Variants in PTPRG observed in about 807,000 individuals in gnomAD.
PTPRG encodes the protein receptor-type tyrosine-protein phosphatase gamma.
PTPRG carries 102 observed loss-of-function variants against 165.3 expected under a neutral mutation model. That is an observed-to-expected ratio of 0.62 (90% CI 0.53 to 0.73). The LOEUF (loss-of-function observed/expected upper bound fraction) is 0.73. Among genes scored for constraint, PTPRG ranks in the 30% least tolerant of loss-of-function variants. The pLI is 0.00. For missense variants in PTPRG, 1,866 were observed against 1,861.4 expected (o/e 1.00, Z -0.05); for synonymous variants, 675 against 669.5 (o/e 1.01, Z -0.13).
In PTPRG at chr3:62,132,599, T is replaced by A. The variant is rs766431772; in HGVS notation, c.616-3T>A. 6.2e-7 allele frequency: 1 copy of A among 1,602,692 alleles called. No individual in the cohort carries two copies. Among genetic ancestry groups the A allele is most frequent in the Non-Finnish European group, 8.6e-7 (1 of 1,169,568 alleles). ...TAACCAATCATGTTTCCTTTACATT[T>A]AGGTCAGTCCGAGGGACAATTCTGC... On this transcript the variant is annotated splice_region_variant and splice_polypyrimidine_tract_variant and intron_variant, in intron 5 of 29. Coordinates refer to ENST00000474889, the MANE Select transcript of PTPRG (RefSeq NM_002841.4).
intron 2 of PTPRG, among the ~76,000 whole-genome samples, chr3:61,815,924 A>G (rs2035749304): frequency 1.3e-5 from 2 of 152,182 alleles, no homozygotes; most frequent in Admixed American, 6.5e-5. Context: ...ATTTCATTTT[A>G]GGCTATTTTA....
intron 2 of PTPRG, among the ~76,000 whole-genome samples, chr3:61,927,607 T>C (rs2039254111): frequency 6.6e-6 from 1 of 152,244 alleles, no homozygotes; most frequent in African/African-American, 2.4e-5. Flanking sequence ...ATTTGGGCTG[T>C]GGTTTGCTGC....
intron 1 of PTPRG, among the ~76,000 whole-genome samples, chr3:61,617,417 T>A (rs1701327557): frequency 2.0e-5 from 3 of 152,166 alleles, no homozygotes; most frequent in Admixed American, 2.0e-4. Flanking sequence ...GTACAGGCCA[T>A]TTATAAGGGT....
At chr3:61,867,198 G>A (rs570544562) in intron 2 of PTPRG, among the ~76,000 whole-genome samples, 1 of 152,292 alleles carries the variant, frequency 6.6e-6, no homozygotes, top group East Asian at 1.9e-4. Context: ...GCCTGGCATG[G>A]CATCATACCC....
At chr3:61,578,599 T>C (rs1431457598) in intron 1 of PTPRG, among the ~76,000 whole-genome samples, 2 of 152,230 alleles carry the variant, frequency 1.3e-5, no homozygotes, top group Non-Finnish European at 2.9e-5. Flanking sequence ...GAATATTCTC[T>C]ACTCTCCAGC....
rs1704563962 is a variant in PTPRG, at chr3:62,157,057, C to T, written c.683-10C>T. 3 of 1,590,558 alleles carry T rather than the reference C, an allele frequency of 1.9e-6. No individual in the cohort carries two copies. The highest frequency in any genetic ancestry group is 2.6e-6 in the Non-Finnish European group (3 of 1,159,268). ...CATTGTGCTTTTCTTTTCCCTTTTTCCCCAAACAGAGAAGGAGACCTTTCT... is the reference window on the plus strand; with the variant it reads ...CATTGTGCTTTTCTTTTCCCTTTTTTCCCAAACAGAGAAGGAGACCTTTCT... On this transcript the variant is annotated splice_polypyrimidine_tract_variant and intron_variant, in intron 6 of 29. Transcript: ENST00000474889.
intron 2 of PTPRG, among the ~76,000 whole-genome samples, chr3:61,961,495 T>A (rs1209971550): frequency 2.6e-5 from 4 of 152,332 alleles, no homozygotes; most frequent in Middle Eastern, 3.4e-3. Context: ...TTAGGGTAAT[T>A]GTGGCTTGAT....
intron 4 of PTPRG, among the ~76,000 whole-genome samples, chr3:62,044,659 TG>T: frequency 6.6e-6 from 1 of 152,206 alleles, no homozygotes; most frequent in East Asian, 1.9e-4. Flanking sequence ...AAATCTTAGC[TG>T]TGGCTATTAA....
intron 6 of PTPRG, among the ~76,000 whole-genome samples, chr3:62,139,778 A>G (rs1392166553): frequency 6.6e-6 from 1 of 152,136 alleles, no homozygotes; most frequent in African/African-American, 2.4e-5. Context: ...GTCTCCCTCC[A>G]CCTTTTTGCC....
chr3:61,848,798 G>A (rs998313429), intron 2 of PTPRG, among the ~76,000 whole-genome samples: 2 of 152,150 alleles, frequency 1.3e-5, no homozygotes, highest in African/African-American at 4.8e-5. Flanking sequence ...CCTGTACTGT[G>A]CTCCTACTAT....
At chr3:61,796,187 G>A (rs1199364061) in intron 2 of PTPRG, among the ~76,000 whole-genome samples, 1 of 152,184 alleles carries the variant, frequency 6.6e-6, no homozygotes, top group Non-Finnish European at 1.5e-5. Flanking sequence ...TATTGAGCAA[G>A]ATTAAAGAGA....
intron 8 of PTPRG, among the ~76,000 whole-genome samples, chr3:62,176,854 T>C (rs1316312366): frequency 6.6e-6 from 1 of 152,124 alleles, no homozygotes; most frequent in Non-Finnish European, 1.5e-5. Context: ...GATAAGGCAG[T>C]GTTAGAATAC....
At chr3:61,971,807 A>G (rs1433129402) in intron 2 of PTPRG, among the ~76,000 whole-genome samples, 2 of 152,256 alleles carry the variant, frequency 1.3e-5, no homozygotes, top group Non-Finnish European at 2.9e-5. Context: ...TTAAGCATAT[A>G]TAAATTATAC....
chr3:62,014,351 T>C (rs2041492351), intron 4 of PTPRG, among the ~76,000 whole-genome samples: 1 of 152,178 alleles, frequency 6.6e-6, no homozygotes, highest in Non-Finnish European at 1.5e-5. Flanking sequence ...GGAGACCAGC[T>C]GGGCAAATTT....
chr3:62,023,653 A>G (rs563774460), intron 4 of PTPRG, among the ~76,000 whole-genome samples: 18 of 152,318 alleles, frequency 1.2e-4, no homozygotes, highest in Non-Finnish European at 1.9e-4. Flanking sequence ...ATTTAGATTC[A>G]TCCAACATCT....
intron 5 of PTPRG, among the ~76,000 whole-genome samples, chr3:62,093,082 T>A (rs946736913): frequency 6.6e-6 from 1 of 152,190 alleles, no homozygotes; most frequent in Non-Finnish European, 1.5e-5. Context: ...GGGATTTAGA[T>A]GTAATTGGTC....
At chr3:61,751,756 C>T (rs1258869985) in intron 2 of PTPRG, among the ~76,000 whole-genome samples, 6 of 152,008 alleles carry the variant, frequency 3.9e-5, no homozygotes, top group Admixed American at 2.0e-4. Flanking sequence ...TTTGGGAGGC[C>T]GAGGTGGGCG....
At chr3:62,235,409 T>C (rs1242663792) in intron 14 of PTPRG, among the ~76,000 whole-genome samples, 1 of 152,200 alleles carries the variant, frequency 6.6e-6, no homozygotes, top group Non-Finnish European at 1.5e-5. Flanking sequence ...CAGGGCTCAC[T>C]TTCTCAAAGC....
chr3:61,722,613 CTA>C (rs2032098772), intron 1 of PTPRG, among the ~76,000 whole-genome samples: 1 of 152,130 alleles, frequency 6.6e-6, no homozygotes, highest in South Asian at 2.1e-4. Flanking sequence ...TTTAAAGCAA[CTA>C]TATAAAATAT....
Sources: allele counts gnomAD v4.1 joint callset (sites outside exome capture counted in the v4.1 genomes callset), GRCh38; gene constraint gnomAD v4.1.1; transcripts MANE v1.5; gene names NCBI Gene and HGNC (gene_info 2026-07-23, HGNC 2026-07-21).